SUGCT: variants seen among roughly 807,000 people sequenced by gnomAD.
SUGCT encodes the protein succinyl-CoA:glutarate CoA-transferase.
Under a neutral mutation model 55.0 loss-of-function variants are expected in SUGCT, and 41 were observed. The ratio of observed to expected loss-of-function variants is 0.74; its 90% CI spans 0.58 to 0.97. The LOEUF is 0.97. Among genes scored for constraint, SUGCT ranks in the 50% least tolerant of loss-of-function variants. The pLI is 0.00. For missense variants in SUGCT, 568 were observed against 547.8 expected, an observed-to-expected ratio of 1.04 and a Z score of -0.37; for synonymous variants, 187 against 200.4, an observed-to-expected ratio of 0.93 and a Z score of 0.56.
chr7:40,304,425 T>C (rs1019889379), intron 8 of SUGCT, among the ~76,000 whole-genome samples: 10 of 151,732 alleles, frequency 6.6e-5, no homozygotes, highest in East Asian at 1.9e-4. Context: ...TTAAATTTTT[T>C]CATATTTAAA....
At chr7:40,875,950 T>C in the SUGCT span, among the ~76,000 whole-genome samples, 1 of 152,140 alleles carries the variant, frequency 6.6e-6, no homozygotes, top group Non-Finnish European at 1.5e-5. Context: ...TGGGCCACCA[T>C]TATGTGACCA....
chr7:40,252,275 C>T (rs1437608214), intron 7 of SUGCT, among the ~76,000 whole-genome samples: 1 of 151,746 alleles, frequency 6.6e-6, no homozygotes, highest in East Asian at 2.0e-4. Context: ...TATAGGCATG[C>T]ACCATCATGC....
At chr7:40,392,531 A>T (rs1785501503) in intron 9 of SUGCT, among the ~76,000 whole-genome samples, 2 of 152,162 alleles carry the variant, frequency 1.3e-5, no homozygotes, top group Non-Finnish European at 2.9e-5. Context: ...GTTACTACAA[A>T]TATCAAGTGA....
At chr7:40,718,687 A>G (rs956224462) in intron 12 of SUGCT, among the ~76,000 whole-genome samples, 2 of 152,236 alleles carry the variant, frequency 1.3e-5, no homozygotes, top group South Asian at 2.1e-4. Context: ...ATTTAGGTGT[A>G]TATGTAAACA....
intron 7 of SUGCT, among the ~76,000 whole-genome samples, chr7:40,251,464 C>T (rs1191117600): frequency 1.3e-5 from 2 of 152,162 alleles, no homozygotes; most frequent in Non-Finnish European, 2.9e-5. Context: ...TTGAAGAGAA[C>T]GTACCACAGG....
chr7:40,488,814 T>C (rs752131927), intron 11 of SUGCT, among the ~76,000 whole-genome samples: 1 of 152,222 alleles, frequency 6.6e-6, no homozygotes, highest in African/African-American at 2.4e-5. Flanking sequence ...TAAATGTTTC[T>C]GTTGAGAAAT....
At chr7:40,593,793 T>G (rs1188780733) in intron 12 of SUGCT, among the ~76,000 whole-genome samples, 2 of 152,100 alleles carry the variant, frequency 1.3e-5, no homozygotes, top group Non-Finnish European at 2.9e-5. Context: ...GAGCTGAGAT[T>G]GCGTCACTGC....
the SUGCT span, among the ~76,000 whole-genome samples, chr7:41,033,392 G>T: frequency 6.6e-6 from 1 of 151,938 alleles, no homozygotes; most frequent in Non-Finnish European, 1.5e-5. Context: ...CTGATTATCT[G>T]TTGGCTTTTG....
At chr7:40,143,293 G>C (rs1401451866) in intron 1 of SUGCT, among the ~76,000 whole-genome samples, 1 of 152,208 alleles carries the variant, frequency 6.6e-6, no homozygotes, top group Admixed American at 6.5e-5. Context: ...ACTGCATCCT[G>C]TTAAGTCTCC....
At chr7:40,898,251 G>A in the SUGCT span, among the ~76,000 whole-genome samples, 1 of 152,108 alleles carries the variant, frequency 6.6e-6, no homozygotes, top group African/African-American at 2.4e-5. Context: ...TCACTCGTGA[G>A]TTCAGAGATA....
chr7:40,506,337 A>G (rs1583854687), intron 12 of SUGCT, among the ~76,000 whole-genome samples: 1 of 151,826 alleles, frequency 6.6e-6, no homozygotes, highest in African/African-American at 2.4e-5. Context: ...TCTGACTTCC[A>G]TTGTGTTTGA....
chr7:40,322,362 G>A (rs1488810779), intron 9 of SUGCT, among the ~76,000 whole-genome samples: 1 of 152,104 alleles, frequency 6.6e-6, no homozygotes, highest in African/African-American at 2.4e-5. Context: ...CACAGTCTTT[G>A]TGCCCACAGA....
chr7:40,212,249 A>T (rs541158009), intron 6 of SUGCT, among the ~76,000 whole-genome samples: 12 of 149,866 alleles, frequency 8.0e-5, no homozygotes, highest in Non-Finnish European at 1.6e-4. Flanking sequence ...ACATAGTGAG[A>T]CCCCATATCT....
the SUGCT span, among the ~76,000 whole-genome samples, chr7:41,003,721 A>C: frequency 6.6e-6 from 1 of 152,302 alleles, no homozygotes; most frequent in Middle Eastern, 3.4e-3. Flanking sequence ...TCAACAAATG[A>C]AAACACCTAG....
intron 9 of SUGCT, among the ~76,000 whole-genome samples, chr7:40,426,486 G>A (rs1787595691): frequency 6.6e-6 from 1 of 152,112 alleles, no homozygotes; most frequent in South Asian, 2.1e-4. Context: ...ACTACTTCCA[G>A]GAAGAGAAGC....
At chr7:40,708,280 G>C (rs1007670291) in intron 12 of SUGCT, among the ~76,000 whole-genome samples, 32 of 152,174 alleles carry the variant, frequency 2.1e-4, no homozygotes, top group African/African-American at 7.7e-4. Context: ...TCTGAGACTT[G>C]ATGCCCTTCA....
At chr7:40,708,230 T>G (rs986555239) in intron 12 of SUGCT, among the ~76,000 whole-genome samples, 2 of 152,180 alleles carry the variant, frequency 1.3e-5, no homozygotes, top group Non-Finnish European at 2.9e-5. Flanking sequence ...CTGGGTACTC[T>G]GTGCTTTAAT....
the SUGCT span, among the ~76,000 whole-genome samples, chr7:40,934,344 G>A: frequency 6.6e-6 from 1 of 152,160 alleles, no homozygotes; most frequent in Non-Finnish European, 1.5e-5. Context: ...CCTGTATGAG[G>A]TGTCTTTCGG....
At chr7:40,713,700 C>T (rs1785853505) in intron 12 of SUGCT, among the ~76,000 whole-genome samples, 2 of 152,198 alleles carry the variant, frequency 1.3e-5, no homozygotes, top group Admixed American at 1.3e-4. Flanking sequence ...GCAAATCCTT[C>T]TCTGCACTTA....
Sources: gnomAD v4.1 joint callset for allele counts (sites outside exome capture counted in the v4.1 genomes callset) on GRCh38, gnomAD v4.1.1 for gene constraint, MANE v1.5 for transcripts, NCBI Gene and HGNC (gene_info 2026-07-23, HGNC 2026-07-21) for gene names.